HPSE2: variants seen among roughly 807,000 people sequenced by gnomAD.
HPSE2 encodes the protein heparanase 2 (inactive), also known as inactive heparanase-2.
In HPSE2, 38 loss-of-function variants were observed where a neutral mutation model predicts 60.5. The ratio of observed to expected loss-of-function variants is 0.63; its 90% CI spans 0.48 to 0.82. The LOEUF (loss-of-function observed/expected upper bound fraction) is 0.82, where lower values mean the gene tolerates loss of function less well. HPSE2 is among the 40% of genes least tolerant of loss of function. The pLI is 0.00. For synonymous variants in HPSE2, 295 were observed against 293.2 expected (o/e 1.01, Z -0.06); for missense variants, 713 against 740.4 (o/e 0.96, Z 0.43).
intron 3 of HPSE2, among the ~76,000 whole-genome samples, chr10:98,881,376 T>C (rs2134881664): frequency 6.6e-6 from 1 of 152,124 alleles, no homozygotes; most frequent in African/African-American, 2.4e-5. Flanking sequence ...GACAGGAAGT[T>C]GGGAGGGATG....
intron 2 of HPSE2, among the ~76,000 whole-genome samples, chr10:99,180,329 C>T (rs560513098): frequency 6.6e-6 from 1 of 152,048 alleles, no homozygotes; most frequent in Non-Finnish European, 1.5e-5. Context: ...CAACCTACAG[C>T]ATGAGAGAAA....
chr10:98,999,100 A>G (rs1417989456), intron 3 of HPSE2, among the ~76,000 whole-genome samples: 3 of 152,028 alleles, frequency 2.0e-5, no homozygotes, highest in African/African-American at 7.2e-5. Context: ...AATGCCATCA[A>G]ATGAAATAAT....
the HPSE2 span, among the ~76,000 whole-genome samples, chr10:99,241,045 G>A: frequency 6.6e-6 from 1 of 152,100 alleles, no homozygotes; most frequent in African/African-American, 2.4e-5. Flanking sequence ...ACCCTAAGAA[G>A]AGTTTTGTAT....
intron 3 of HPSE2, among the ~76,000 whole-genome samples, chr10:99,073,049 T>C (rs1842849536): frequency 6.6e-6 from 1 of 151,554 alleles, no homozygotes; most frequent in African/African-American, 2.4e-5. Context: ...AGTTCAACCA[T>C]TGTTGAAGAC....
At chr10:99,147,505 T>C (rs2135787605) in intron 2 of HPSE2, among the ~76,000 whole-genome samples, 1 of 152,348 alleles carries the variant, frequency 6.6e-6, no homozygotes, top group Middle Eastern at 3.4e-3. Flanking sequence ...ATAAATATAT[T>C]GCTCAGAATG....
intron 3 of HPSE2, among the ~76,000 whole-genome samples, chr10:99,135,467 T>G (rs953760434): frequency 6.6e-6 from 1 of 152,150 alleles, no homozygotes; most frequent in Admixed American, 6.5e-5. Context: ...AGTAAAACAC[T>G]CCTCAGCAGA....
chr10:99,240,863 T>C, the HPSE2 span, among the ~76,000 whole-genome samples: 1 of 152,350 alleles, frequency 6.6e-6, no homozygotes, highest in South Asian at 2.1e-4. Flanking sequence ...GTAAGAATTA[T>C]GCCTAGCTGT....
At chr10:98,637,372 G>A (rs1167831014) in intron 7 of HPSE2, among the ~76,000 whole-genome samples, 3 of 152,126 alleles carry the variant, frequency 2.0e-5, no homozygotes, top group African/African-American at 7.2e-5. Context: ...GAGGATAAAG[G>A]TAATGTAAAG....
At chr10:98,546,290 T>C (rs1238265892) in intron 9 of HPSE2, among the ~76,000 whole-genome samples, 1 of 137,764 alleles carries the variant, frequency 7.3e-6, no homozygotes, top group Non-Finnish European at 1.6e-5. Flanking sequence ...CTTCACAGAA[T>C]TGGAAAAAAT....
At chr10:98,471,683 T>C (rs1940787024) in intron 11 of HPSE2, among the ~76,000 whole-genome samples, 1 of 152,120 alleles carries the variant, frequency 6.6e-6, no homozygotes, top group South Asian at 2.1e-4. Flanking sequence ...GGTGGGATGA[T>C]TATGCTCCTC....
At chr10:99,132,750 G>A (rs1845493428) in intron 3 of HPSE2, among the ~76,000 whole-genome samples, 1 of 152,204 alleles carries the variant, frequency 6.6e-6, no homozygotes, top group Non-Finnish European at 1.5e-5. Flanking sequence ...CAAACCAGGA[G>A]ATTCCCTCCG....
At position 98,994,938 on chromosome 10, in the gene HPSE2, C is replaced by A. The variant is rs1444619361; in HGVS notation, c.610+149300G>T. 2.0e-5 allele frequency among the ~76,000 whole-genome samples: 3 copies of A among 152,204 alleles called. No individual in the cohort carries two copies. The East Asian group carries it at 5.8e-4, about 29-fold the overall frequency. Reference sequence around the variant, plus strand: ...GCCCAGCATTAAACTCTCAAAACAGCACCTTTGGGCCAAGACCTTAGTGGG... The same window carrying A: ...GCCCAGCATTAAACTCTCAAAACAGAACCTTTGGGCCAAGACCTTAGTGGG... On this transcript the variant is annotated intron_variant, in intron 3 of 11. Coordinates refer to ENST00000370552, the MANE Select transcript of HPSE2 (RefSeq NM_021828.5).
intron 5 of HPSE2, among the ~76,000 whole-genome samples, chr10:98,710,814 T>A (rs1948657770): frequency 1.3e-5 from 2 of 152,218 alleles, no homozygotes; most frequent in Admixed American, 1.3e-4. Flanking sequence ...TATTGTTCCT[T>A]TTTGCTGAGC....
chr10:99,104,004 C>A (rs923372295), intron 3 of HPSE2, among the ~76,000 whole-genome samples: 4 of 152,084 alleles, frequency 2.6e-5, no homozygotes, highest in Non-Finnish European at 4.4e-5. Flanking sequence ...TAAAGACTTA[C>A]ATGTTAGACC....
intron 6 of HPSE2, among the ~76,000 whole-genome samples, chr10:98,653,714 ATTACT>A (rs978827766): frequency 9.2e-5 from 14 of 152,164 alleles, no homozygotes; most frequent in African/African-American, 2.2e-4. Context: ...TGTGGCTATT[ATTACT>A]TTAAACAGTT....
At chr10:99,038,378 A>C (rs1385261063) in intron 3 of HPSE2, among the ~76,000 whole-genome samples, 1 of 152,200 alleles carries the variant, frequency 6.6e-6, no homozygotes, top group African/African-American at 2.4e-5. Flanking sequence ...TTGGATGACT[A>C]TCAAGAGCAT....
chr10:98,989,944 T>C (rs939894984), intron 3 of HPSE2, among the ~76,000 whole-genome samples: 2 of 152,178 alleles, frequency 1.3e-5, no homozygotes, highest in African/African-American at 4.8e-5. Context: ...GTGATGTTTG[T>C]TTTTTACTCA....
chr10:99,090,992 G>T (rs555523787), intron 3 of HPSE2, among the ~76,000 whole-genome samples: 16 of 152,024 alleles, frequency 1.1e-4, no homozygotes, highest in African/African-American at 3.6e-4. Context: ...CTTCCACAGG[G>T]CTCTCTCCTT....
At chr10:98,867,089 A>AT (rs1256616140) in intron 3 of HPSE2, among the ~76,000 whole-genome samples, 5 of 152,306 alleles carry the variant, frequency 3.3e-5, no homozygotes, top group Non-Finnish European at 7.4e-5. Context: ...AACAGAGTTT[A>AT]TAGGTCATGA....
Sources: gnomAD v4.1 joint callset for allele counts (sites outside exome capture counted in the v4.1 genomes callset) on GRCh38, gnomAD v4.1.1 for gene constraint, MANE v1.5 for transcripts, NCBI Gene and HGNC (gene_info 2026-07-23, HGNC 2026-07-21) for gene names.